The following PLCL2 variants were observed in gnomAD, a reference collection of about 807,000 sequenced individuals.
PLCL2 encodes inactive phospholipase C-like protein 2.
Under a neutral mutation model 79.6 loss-of-function variants are expected in PLCL2, and 4 were observed. The observed-to-expected ratio is 0.05, with a 90% CI of 0.02 to 0.11. The LOEUF is 0.11. PLCL2 is among the 10% of genes least tolerant of loss of function. The pLI is 1.00. For missense variants in PLCL2, 895 were observed against 1,291.0 expected (o/e 0.69, Z 4.70); for synonymous variants, 484 against 457.7 (o/e 1.06, Z -0.73).
chr3:16,922,463 A>T (rs1006853243), intron 1 of PLCL2, among the ~76,000 whole-genome samples: 3 of 152,198 alleles, frequency 2.0e-5, no homozygotes, highest in African/African-American at 7.2e-5. Flanking sequence ...ATAGCTATGG[A>T]GGAGGCCAAA....
At chr3:16,975,329 G>T (rs188595755) in intron 1 of PLCL2, among the ~76,000 whole-genome samples, 1 of 152,300 alleles carries the variant, frequency 6.6e-6, no homozygotes, top group Non-Finnish European at 1.5e-5. Flanking sequence ...CTTACTCATG[G>T]CATAGCTCAG....
chr3:17,032,248 G>C (rs943846134), intron 3 of PLCL2, among the ~76,000 whole-genome samples: 1 of 152,084 alleles, frequency 6.6e-6, no homozygotes, highest in Admixed American at 6.6e-5. Context: ...CTATTTAAAT[G>C]TATTGGGGAC....
intron 1 of PLCL2, among the ~76,000 whole-genome samples, chr3:16,988,967 T>C (rs2064078232): frequency 6.6e-6 from 1 of 152,114 alleles, no homozygotes; most frequent in African/African-American, 2.4e-5. Flanking sequence ...ATTTATTTGG[T>C]CAATTATTAT....
chr3:17,079,072 G>A (rs1012841471), intron 5 of PLCL2, among the ~76,000 whole-genome samples: 1 of 152,200 alleles, frequency 6.6e-6, no homozygotes, highest in African/African-American at 2.4e-5. Context: ...ATGTTTGACT[G>A]TGTAAATGGT....
chr3:16,898,814 A>G (rs1190166686), intron 1 of PLCL2, among the ~76,000 whole-genome samples: 1 of 152,222 alleles, frequency 6.6e-6, no homozygotes, highest in African/African-American at 2.4e-5. Flanking sequence ...CCAAAATGGC[A>G]CTTAAAACCT....
At chr3:16,929,511 A>G (rs1213487904) in intron 1 of PLCL2, among the ~76,000 whole-genome samples, 1 of 152,138 alleles carries the variant, frequency 6.6e-6, no homozygotes, top group Non-Finnish European at 1.5e-5. Context: ...TTTTAGAGAA[A>G]GCCTCCCAAA....
chr3:17,036,071 A>G (rs545983660), intron 3 of PLCL2, among the ~76,000 whole-genome samples: 16 of 152,262 alleles, frequency 1.1e-4, no homozygotes, highest in African/African-American at 3.9e-4. Context: ...GTTATTTAGA[A>G]AGTGTTTTCA....
At chr3:16,973,692 C>A (rs964689944) in intron 1 of PLCL2, among the ~76,000 whole-genome samples, 1 of 152,114 alleles carries the variant, frequency 6.6e-6, no homozygotes, top group African/African-American at 2.4e-5. Flanking sequence ...TGTCAGTATT[C>A]TGTTGTGACC....
At position 17,011,107 on chromosome 3, in the gene PLCL2, T is replaced by C. The variant is rs1247529934; in HGVS notation, c.1761T>C (p.Asp587=). ...TAGAAGGAGATGTTACTGACGAAGA[T>C]GAAGGAGCAGAAATGTCTCAGAGGA... ...SGVEGDVTDE[D]EGAEMSQRMG... The change falls in exon 2 of 6, where the codon GAT becomes GAC. Residue 587 remains aspartate, a synonymous_variant. Transcript: ENST00000615277. The surrounding 1 kb of genome is among the most constrained non-coding windows in gnomAD (Gnocchi z 7.9). 1.2e-6 allele frequency: 2 copies of C among 1,614,030 alleles called. No homozygotes were observed. The highest frequency in any genetic ancestry group is 1.7e-5 in the Admixed American group (1 of 60,008).
At chr3:17,069,440 G>C (rs1324130675) in intron 5 of PLCL2, among the ~76,000 whole-genome samples, 2 of 152,114 alleles carry the variant, frequency 1.3e-5, no homozygotes, top group Non-Finnish European at 2.9e-5. Context: ...GCTTCTCTTT[G>C]GTGGGTCCAG....
intron 1 of PLCL2, among the ~76,000 whole-genome samples, chr3:16,984,737 C>G (rs539628405): frequency 6.6e-6 from 1 of 152,106 alleles, no homozygotes; most frequent in Non-Finnish European, 1.5e-5. Flanking sequence ...TGGAGACCAT[C>G]CTGGCTAACA....
chr3:17,076,768 G>T (rs542187030), intron 5 of PLCL2, among the ~76,000 whole-genome samples: 280 of 152,212 alleles, frequency 1.8e-3, no homozygotes, highest in African/African-American at 6.4e-3. Context: ...CTCCCAAGGT[G>T]TAAGAATTAC....
chr3:17,081,121 T>C, intron 5 of PLCL2: 1 of 455,132 alleles, frequency 2.2e-6, no homozygotes, highest in Non-Finnish European at 4.4e-6. Context: ...ATCCCCTCTT[T>C]GTGGAGCAGG....
chr3:16,986,519 A>G (rs1046976521), intron 1 of PLCL2, among the ~76,000 whole-genome samples: 9 of 152,224 alleles, frequency 5.9e-5, no homozygotes, highest in South Asian at 2.1e-4. Context: ...CTCCTGCCTC[A>G]GCCTCCTGAG....
intron 1 of PLCL2, among the ~76,000 whole-genome samples, chr3:16,956,370 G>A (rs897494979): frequency 1.3e-5 from 2 of 152,128 alleles, no homozygotes; most frequent in Non-Finnish European, 2.9e-5. Context: ...TGCATCCCGG[G>A]GATGAAGCCC....
chr3:16,991,562 C>T (rs2064105689), intron 1 of PLCL2, among the ~76,000 whole-genome samples: 1 of 152,080 alleles, frequency 6.6e-6, no homozygotes, highest in East Asian at 1.9e-4. Flanking sequence ...TCCATTATAT[C>T]TTCTAACTCA....
chr3:16,908,867 A>G (rs115952894), intron 1 of PLCL2, among the ~76,000 whole-genome samples: 7,437 of 152,260 alleles, frequency 0.049, 261 homozygotes, highest in Admixed American at 0.11. Context: ...GGAAATATAT[A>G]ATGTATCAAC....
intron 1 of PLCL2, among the ~76,000 whole-genome samples, chr3:16,946,008 T>TA (rs1383723977): frequency 6.6e-6 from 1 of 152,202 alleles, no homozygotes; most frequent in East Asian, 1.9e-4. Flanking sequence ...AGATGCCTGT[T>TA]ACTAAAAAGA....
intron 4 of PLCL2, among the ~76,000 whole-genome samples, chr3:17,057,390 TC>T (rs2064902430): frequency 1.3e-5 from 2 of 152,158 alleles, no homozygotes; most frequent in East Asian, 1.9e-4. Context: ...TAGGACTCAC[TC>T]GGGGACTCAG....
Sources: gnomAD v4.1 joint callset for allele counts (sites outside exome capture counted in the v4.1 genomes callset) on GRCh38, gnomAD v4.1.1 for gene constraint, Gnocchi (gnomAD v3.1) non-coding constraint, MANE v1.5 for transcripts, NCBI Gene and HGNC (gene_info 2026-07-23, HGNC 2026-07-21) for gene names.